The following ECE1 variants were observed in gnomAD, a reference collection of about 807,000 sequenced individuals.
ECE1 encodes endothelin-converting enzyme 1.
Under a neutral mutation model 98.6 loss-of-function variants are expected in ECE1, and 35 were observed. The ratio of observed to expected loss-of-function variants is 0.35; its 90% CI spans 0.27 to 0.47. The LOEUF (loss-of-function observed/expected upper bound fraction) is 0.47, where lower values mean the gene tolerates loss of function less well. ECE1 is among the 20% of genes least tolerant of loss of function. The pLI is 1.00. For synonymous variants in ECE1, 394 were observed against 407.1 expected (o/e 0.97, Z 0.39); for missense variants, 814 against 1,025.3 (o/e 0.79, Z 2.81).
At chr1:21,286,825 C>T (rs2098261019) in intron 2 of ECE1, among the ~76,000 whole-genome samples, 1 of 151,388 alleles carries the variant, frequency 6.6e-6, no homozygotes, top group Non-Finnish European at 1.5e-5. Flanking sequence ...ATTTGGGAGG[C>T]TGAGGTGAGA....
At chr1:21,261,139 G>A (rs1466595279) in intron 4 of ECE1, among the ~76,000 whole-genome samples, 2 of 152,172 alleles carry the variant, frequency 1.3e-5, no homozygotes, top group East Asian at 3.9e-4. Context: ...TATATACTGG[G>A]GCTCTGTGCA....
chr1:21,335,173 G>C (rs1349268421), intron 1 of ECE1, among the ~76,000 whole-genome samples: 3 of 146,688 alleles, frequency 2.0e-5, no homozygotes, highest in Non-Finnish European at 3.0e-5. Context: ...CATCTCCCCC[G>C]CCCCCGTCTT....
At chr1:21,257,265 G>A (rs1414796573) in intron 7 of ECE1, among the ~76,000 whole-genome samples, 1 of 152,238 alleles carries the variant, frequency 6.6e-6, no homozygotes, top group Non-Finnish European at 1.5e-5. Flanking sequence ...GCGAATTGTG[G>A]TAGCTGTTAT....
At chr1:21,339,109 T>G (rs1018696202) in intron 1 of ECE1, among the ~76,000 whole-genome samples, 1 of 151,602 alleles carries the variant, frequency 6.6e-6, no homozygotes, top group African/African-American at 2.4e-5. Flanking sequence ...GGCTGTTATC[T>G]GAGCTGGGGA....
At chr1:21,298,386 C>T (rs1158345443) in intron 1 of ECE1, 1 of 251,634 alleles carries the variant, frequency 4.0e-6, no homozygotes, top group Non-Finnish European at 8.2e-6. Flanking sequence ...CTCATCCCAA[C>T]ACAGTGAAGA....
chr1:21,257,256 C>G (rs977128428), intron 7 of ECE1, among the ~76,000 whole-genome samples: 11 of 152,180 alleles, frequency 7.2e-5, no homozygotes, highest in African/African-American at 2.2e-4. Context: ...AAGGGCCAGG[C>G]GAATTGTGGT....
chr1:21,230,649 G>A (rs567500955), intron 14 of ECE1, among the ~76,000 whole-genome samples: 94 of 152,056 alleles, frequency 6.2e-4, no homozygotes, highest in South Asian at 1.0e-3. Context: ...GCCTCCCAAA[G>A]TGCTGGGATT....
intron 1 of ECE1, among the ~76,000 whole-genome samples, chr1:21,344,574 C>G (rs900381284): frequency 6.6e-6 from 1 of 151,986 alleles, no homozygotes; most frequent in African/African-American, 2.4e-5. Context: ...TCCCAACAGC[C>G]CCCCCCCAGG....
intron 8 of ECE1, among the ~76,000 whole-genome samples, chr1:21,249,333 A>T (rs1025937990): frequency 6.6e-6 from 1 of 150,946 alleles, no homozygotes; most frequent in Non-Finnish European, 1.5e-5. Flanking sequence ...ACAGAGCGAG[A>T]CTCCATCTCA....
rs1395310305 is a variant in ECE1, at chr1:21,235,951, T to C, written c.1489-24A>G. The C allele has an allele frequency of 6.2e-7, 1 of 1,611,060 alleles. No homozygotes were observed. The highest frequency in any genetic ancestry group is 1.3e-5 in the African/African-American group (1 of 74,838). ...GCCTGGACAGGACAGACAGAGGAAG[T>C]GAGTGCCCGGCAACATCGACCAGGC... is the stretch of plus-strand genomic sequence containing the variant. On this transcript the variant is annotated intron_variant, in intron 12 of 18. Transcript: ENST00000374893. This position sits in a 1 kb window ranked among gnomAD's most constrained non-coding sequence, Gnocchi z 4.2.
At chr1:21,334,624 G>A (rs541557866) in intron 1 of ECE1, among the ~76,000 whole-genome samples, 2 of 152,286 alleles carry the variant, frequency 1.3e-5, no homozygotes, top group South Asian at 2.1e-4. Context: ...GGGCTGGGAC[G>A]GTGGGAACTG....
chr1:21,261,601 T>C (rs1346461792), intron 4 of ECE1, among the ~76,000 whole-genome samples: 1 of 152,194 alleles, frequency 6.6e-6, no homozygotes, highest in Non-Finnish European at 1.5e-5. Flanking sequence ...CATTAGACCG[T>C]GAGCTCCTTG....
chr1:21,250,325 C>T (rs948260327), intron 8 of ECE1, among the ~76,000 whole-genome samples: 6 of 152,210 alleles, frequency 3.9e-5, no homozygotes, highest in Admixed American at 3.3e-4. Flanking sequence ...TTTCCCCACA[C>T]GTACTGCTAT....
chr1:21,252,886 ATATGT>A (rs770307496), intron 8 of ECE1, among the ~76,000 whole-genome samples: 4 of 152,274 alleles, frequency 2.6e-5, no homozygotes, highest in South Asian at 4.1e-4. Flanking sequence ...GATGAATATA[ATATGT>A]TATGCTTGTA....
chr1:21,336,951 C>T (rs1246100190), intron 1 of ECE1, among the ~76,000 whole-genome samples: 1 of 151,900 alleles, frequency 6.6e-6, no homozygotes, highest in African/African-American at 2.4e-5. Context: ...GCAGGAGAAT[C>T]GCTTGAACCC....
At position 21,260,577 on chromosome 1, in the gene ECE1, C is replaced by T. The variant is rs28367973; in HGVS notation, c.494-185G>A. Among the ~76,000 whole-genome samples, 8 of 152,144 alleles carry T rather than the reference C, an allele frequency of 5.3e-5. No homozygotes were observed. The highest frequency in any genetic ancestry group is 7.4e-5 in the Non-Finnish European group (5 of 68,024). On this transcript the variant is annotated intron_variant, in intron 4 of 18. Coordinates refer to ENST00000374893, the MANE Select transcript of ECE1 (RefSeq NM_001397.3). The surrounding 1 kb of genome is among the most constrained non-coding windows in gnomAD (Gnocchi z 4.3). Reference sequence around the variant, plus strand: ...GTGAGGGCCCCTGGACAGAGCCTGGCAAGCTGAAGGCGCTCCCGAAATTTT... The same window carrying T: ...GTGAGGGCCCCTGGACAGAGCCTGGTAAGCTGAAGGCGCTCCCGAAATTTT...
chr1:21,271,047 T>TG, intron 4 of ECE1, among the ~76,000 whole-genome samples: 1 of 152,210 alleles, frequency 6.6e-6, no homozygotes, highest in South Asian at 2.1e-4. Flanking sequence ...GCATGCCCTT[T>TG]CAAAGGCACT....
At chr1:21,229,474 T>C (rs2098179046) in intron 14 of ECE1, among the ~76,000 whole-genome samples, 1 of 152,134 alleles carries the variant, frequency 6.6e-6, no homozygotes, top group South Asian at 2.1e-4. Flanking sequence ...ATTTCAGACG[T>C]GGACATCTGG....
chr1:21,258,607 C>T lies in ECE1; in HGVS notation c.762+86G>A, dbSNP rs1168818501. The T allele has an allele frequency of 6.7e-6, 10 of 1,494,298 alleles. No individual in the cohort carries two copies. In the South Asian group the frequency reaches 7.9e-5, roughly 12 times the overall value. The allele number at this position is 1,494,298 out of a possible 1,614,324, so 92.6% of individuals were successfully genotyped here. On this transcript the variant is annotated intron_variant, in intron 6 of 18. Coordinates refer to ENST00000374893, the MANE Select transcript of ECE1 (RefSeq NM_001397.3). This position sits in a 1 kb window ranked among gnomAD's most constrained non-coding sequence, Gnocchi z 4.2. ...ACCGCCGTCCCACCCAGGGCAAGCC[C>T]CTCTCCCACCCCAGGTCCTGCTAAA...
Sources: gnomAD v4.1 joint callset for allele counts (sites outside exome capture counted in the v4.1 genomes callset) on GRCh38, gnomAD v4.1.1 for gene constraint, Gnocchi (gnomAD v3.1) non-coding constraint, MANE v1.5 for transcripts, NCBI Gene and HGNC (gene_info 2026-07-23, HGNC 2026-07-21) for gene names.